SCLT1: variants seen among roughly 807,000 people sequenced by gnomAD.
SCLT1 encodes the protein sodium channel-associated protein 1.
SCLT1 carries 78 observed loss-of-function variants against 112.8 expected under a neutral mutation model. The observed-to-expected ratio is 0.69, with a 90% CI of 0.58 to 0.83. The LOEUF (loss-of-function observed/expected upper bound fraction) is 0.83. SCLT1 is among the 40% of genes least tolerant of loss of function. SCLT1 has a pLI of 0.00. For synonymous variants in SCLT1, 257 were observed against 254.7 expected (o/e 1.01, Z -0.09); for missense variants, 747 against 770.4 (o/e 0.97, Z 0.36).
intron 8 of SCLT1, among the ~76,000 whole-genome samples, chr4:128,994,990 G>T (rs955501152): frequency 6.6e-6 from 1 of 152,030 alleles, no homozygotes; most frequent in African/African-American, 2.4e-5. Context: ...TTTTCACTCT[G>T]CTGGTTTCGT....
intron 20 of SCLT1, among the ~76,000 whole-genome samples, chr4:128,885,866 T>G (rs557204930): frequency 2.6e-5 from 4 of 152,228 alleles, no homozygotes; most frequent in African/African-American, 9.6e-5. Context: ...ATTTGTCTTA[T>G]AGGTGAGGAT....
At chr4:129,022,385 G>A (rs889451251) in intron 5 of SCLT1, among the ~76,000 whole-genome samples, 3 of 152,194 alleles carry the variant, frequency 2.0e-5, no homozygotes, top group Non-Finnish European at 4.4e-5. Flanking sequence ...ATGCAAGGAA[G>A]CTAGGAACCT....
At chr4:129,055,178 C>T (rs1749240657) in intron 2 of SCLT1, among the ~76,000 whole-genome samples, 1 of 152,216 alleles carries the variant, frequency 6.6e-6, no homozygotes, top group Admixed American at 6.5e-5. Context: ...CCAGCTGGAG[C>T]TCTCCTGTAT....
chr4:129,046,349 A>C (rs1435499607), intron 2 of SCLT1, among the ~76,000 whole-genome samples: 1 of 152,074 alleles, frequency 6.6e-6, no homozygotes, highest in Non-Finnish European at 1.5e-5. Flanking sequence ...CCCAGGCTCC[A>C]TGTGGGACCC....
intron 5 of SCLT1, among the ~76,000 whole-genome samples, chr4:129,011,777 G>A (rs762125216): frequency 7.9e-5 from 12 of 152,058 alleles, no homozygotes; most frequent in African/African-American, 1.7e-4. Context: ...GGGTGTATGT[G>A]TCTAGAAATT....
At chr4:129,040,635 A>G (rs1747615506) in intron 4 of SCLT1, among the ~76,000 whole-genome samples, 1 of 152,234 alleles carries the variant, frequency 6.6e-6, no homozygotes, top group Non-Finnish European at 1.5e-5. Context: ...TTACATTTGG[A>G]AGGAAGTGAA....
At chr4:129,023,879 A>T (rs963074584) in intron 5 of SCLT1, among the ~76,000 whole-genome samples, 1 of 152,202 alleles carries the variant, frequency 6.6e-6, no homozygotes, top group Non-Finnish European at 1.5e-5. Context: ...GCACACCAGG[A>T]GATTATATCC....
chr4:129,063,249 A>T (rs1217004009), intron 2 of SCLT1, among the ~76,000 whole-genome samples: 7 of 152,220 alleles, frequency 4.6e-5, no homozygotes, highest in Non-Finnish European at 1.0e-4. Flanking sequence ...TGCCATCTTA[A>T]CATATGAAGC....
At chr4:128,916,075 C>A (rs1303777253) in intron 18 of SCLT1, among the ~76,000 whole-genome samples, 1 of 152,148 alleles carries the variant, frequency 6.6e-6, no homozygotes, top group African/African-American at 2.4e-5. Flanking sequence ...TTTCTGGATC[C>A]ATTTGTATAC....
chr4:129,034,090 A>G (rs1231812752), intron 5 of SCLT1, among the ~76,000 whole-genome samples: 1 of 152,190 alleles, frequency 6.6e-6, no homozygotes, highest in East Asian at 1.9e-4. Flanking sequence ...GAACATTTAC[A>G]TCACATCTTC....
intron 18 of SCLT1, among the ~76,000 whole-genome samples, chr4:128,908,663 C>T (rs909946539): frequency 3.0e-4 from 45 of 152,310 alleles, no homozygotes; most frequent in African/African-American, 1.0e-3. Context: ...AGATCCCTGT[C>T]TGCAGCAGAG....
chr4:128,943,420 C>T (rs1290736448), intron 16 of SCLT1, among the ~76,000 whole-genome samples: 4 of 152,080 alleles, frequency 2.6e-5, no homozygotes, highest in Non-Finnish European at 5.9e-5. Flanking sequence ...ACTGTTATCA[C>T]TTATCTAGAA....
At chr4:128,914,404 TA>T (rs1389769973) in intron 18 of SCLT1, among the ~76,000 whole-genome samples, 1 of 151,654 alleles carries the variant, frequency 6.6e-6, no homozygotes, top group Non-Finnish European at 1.5e-5. Context: ...TTTATTGTAA[TA>T]AAAAATCCTT....
At chr4:129,069,686 C>G (rs937277857) in intron 2 of SCLT1, among the ~76,000 whole-genome samples, 1 of 152,084 alleles carries the variant, frequency 6.6e-6, no homozygotes, top group Non-Finnish European at 1.5e-5. Context: ...GGTAAATGAT[C>G]ATATCATCAG....
chr4:129,023,855 G>A (rs187636852), intron 5 of SCLT1, among the ~76,000 whole-genome samples: 21 of 152,316 alleles, frequency 1.4e-4, no homozygotes, highest in African/African-American at 1.9e-4. Flanking sequence ...CTTTTCCGAC[G>A]GGCTTAGAAA....
At chr4:128,906,255 TG>T (rs1403733116) in intron 18 of SCLT1, among the ~76,000 whole-genome samples, 1 of 152,202 alleles carries the variant, frequency 6.6e-6, no homozygotes, top group Non-Finnish European at 1.5e-5. Context: ...TGGAGTGCAG[TG>T]GCGCGATCTC....
intron 5 of SCLT1, among the ~76,000 whole-genome samples, chr4:129,009,939 T>A (rs1744372596): frequency 6.6e-6 from 1 of 152,240 alleles, no homozygotes; most frequent in Non-Finnish European, 1.5e-5. Context: ...GTGCAGGAGC[T>A]CTTTAGTTTA....
At chr4:129,032,114 G>T (rs1746776544) in intron 5 of SCLT1, among the ~76,000 whole-genome samples, 3 of 152,164 alleles carry the variant, frequency 2.0e-5, no homozygotes, top group South Asian at 4.2e-4. Context: ...AACCAAAACA[G>T]CATGTTACTG....
At chr4:128,897,134 C>G (rs543901235) in intron 18 of SCLT1, among the ~76,000 whole-genome samples, 34 of 152,236 alleles carry the variant, frequency 2.2e-4, no homozygotes, top group African/African-American at 7.9e-4. Flanking sequence ...CCCAATCTAG[C>G]AAGGCAGGCC....
Sources: allele counts gnomAD v4.1 joint callset (sites outside exome capture counted in the v4.1 genomes callset), GRCh38; gene constraint gnomAD v4.1.1; transcripts MANE v1.5; gene names NCBI Gene and HGNC (gene_info 2026-07-23, HGNC 2026-07-21).